Variants in FRAS1 observed in about 807,000 individuals in gnomAD.
The protein encoded by FRAS1 is extracellular matrix organizing protein FRAS1.
In FRAS1, 290 loss-of-function variants were observed where a neutral mutation model predicts 435.2. That is an observed-to-expected ratio of 0.67 (90% CI 0.61 to 0.73). The LOEUF (loss-of-function observed/expected upper bound fraction) is 0.73, where lower values mean the gene tolerates loss of function less well. FRAS1 is among the 30% of genes least tolerant of loss of function. The pLI, the probability that FRAS1 is intolerant of heterozygous loss-of-function variation, is 0.00. For synonymous variants in FRAS1, 1,800 were observed against 1,851.0 expected, an observed-to-expected ratio of 0.97 and a Z score of 0.71; for missense variants, 4,860 against 5,001.5, an observed-to-expected ratio of 0.97 and a Z score of 0.85.
chr4:78,508,832 C>T lies in FRAS1; in HGVS notation c.9606C>T (p.Cys3202=), dbSNP rs746900729. 4 of 1,613,726 alleles carry T rather than the reference C, an allele frequency of 2.5e-6. No homozygotes were observed. The South Asian group carries it at 3.3e-5, about 13-fold the overall frequency. Residue 3202 remains cysteine, a synonymous_variant, in exon 63 of 74, where the codon TGC becomes TGT. Transcript: ENST00000512123. ...ACCCACTGGTCTGTGTCACCCCCTG[C>T]GACCCTCATTTCCCCAGATACGCTG... is the stretch of plus-strand genomic sequence containing the variant. The part of the protein sequence containing the change: ...PGYPLVCVTP[C]DPHFPRYAVM...
intron 18 of FRAS1, among the ~76,000 whole-genome samples, chr4:78,325,452 C>G (rs956079486): frequency 2.0e-5 from 3 of 152,122 alleles, no homozygotes; most frequent in Non-Finnish European, 4.4e-5. Context: ...GAGTATGTTA[C>G]CGTTTATGAA....
At chr4:78,314,089 GT>G (rs150579350) in intron 15 of FRAS1, among the ~76,000 whole-genome samples, 2 of 151,366 alleles carry the variant, frequency 1.3e-5, no homozygotes, top group Non-Finnish European at 1.5e-5. Context: ...ACCTGTACTA[GT>G]TTTTTTTTCT....
intron 9 of FRAS1, among the ~76,000 whole-genome samples, chr4:78,275,125 C>G (rs886707217): frequency 6.6e-6 from 1 of 152,188 alleles, no homozygotes; most frequent in African/African-American, 2.4e-5. Context: ...TTATCAGAGA[C>G]TAGATTGCAA....
chr4:78,538,071 A>G (rs1359863999), intron 72 of FRAS1, among the ~76,000 whole-genome samples: 1 of 152,230 alleles, frequency 6.6e-6, no homozygotes, highest in Non-Finnish European at 1.5e-5. Context: ...TGGAATTCAG[A>G]AGCAGTTATG....
intron 2 of FRAS1, among the ~76,000 whole-genome samples, chr4:78,168,896 T>C (rs1365517866): frequency 6.6e-6 from 1 of 152,140 alleles, no homozygotes; most frequent in Non-Finnish European, 1.5e-5. Flanking sequence ...CTCAACCTTG[T>C]TGAATCGTAT....
At chr4:78,267,157 T>C in intron 8 of FRAS1, 84 bp from the exon 9 acceptor site, 1 of 1,354,832 alleles carries the variant, frequency 7.4e-7, no homozygotes. Context: ...AGAGCTTTGG[T>C]ATTTTGGGTC....
In FRAS1 at chr4:78,317,403, A is replaced by G. The variant is rs367758603; in HGVS notation, c.1855A>G (p.Thr619Ala). The change falls in exon 17 of 74, where the codon ACA becomes GCA. Residue 619 changes from threonine to alanine, a missense_variant. By Grantham distance (58) the Thr-to-Ala change is moderately conservative. Coordinates refer to ENST00000512123, the MANE Select transcript of FRAS1 (RefSeq NM_025074.7). ...HNSCASCSGP[T>A]PSHCTACSPP... ...CTCATGTGCCAGCTGCTCTGGGCCC[A>G]CACCCTCTCACTGTACAGCCTGCAG... 12 of 1,613,700 alleles carry G rather than the reference A, an allele frequency of 7.4e-6. No individual in the cohort carries two copies. Among genetic ancestry groups the G allele is most frequent in the African/African-American group, 1.3e-5 (1 of 74,898 alleles).
intron 44 of FRAS1, among the ~76,000 whole-genome samples, chr4:78,448,997 G>A (rs188621840): frequency 6.6e-6 from 1 of 152,228 alleles, no homozygotes; most frequent in Admixed American, 6.5e-5. Context: ...AAAATGTATG[G>A]TATAATAGTA....
At chr4:78,254,404 C>A (rs1560606049) in intron 5 of FRAS1, among the ~76,000 whole-genome samples, 1 of 152,116 alleles carries the variant, frequency 6.6e-6, no homozygotes, top group Non-Finnish European at 1.5e-5. Flanking sequence ...CTGGAGAATT[C>A]CAGGGATGAA....
chr4:78,495,655 G>T (rs1023648180), intron 59 of FRAS1, among the ~76,000 whole-genome samples: 1 of 152,092 alleles, frequency 6.6e-6, no homozygotes, highest in Non-Finnish European at 1.5e-5. Context: ...GCTTATCCAA[G>T]AAGTAGTTTT....
chr4:78,533,939 G>A (rs1479130092), intron 70 of FRAS1, among the ~76,000 whole-genome samples: 3 of 152,168 alleles, frequency 2.0e-5, no homozygotes, highest in Admixed American at 6.5e-5. Context: ...CCTTGGGAGC[G>A]CTTATCTGCC....
intron 2 of FRAS1, chr4:78,070,354 T>C (rs1164080160): frequency 6.6e-6 from 1 of 152,100 alleles, no homozygotes; most frequent in Non-Finnish European, 1.5e-5. Context: ...CCTGGGTGAT[T>C]AAGTCCCAAG....
Position 78,379,770 on chromosome 4 carries a change from C to T in FRAS1, c.3337C>T (p.Leu1113Phe). The part of the protein sequence containing the change: ...PSLHVNGSLI[L>F]PIGSIKPLDF... ...TCTTCATGTGAATGGTTCCCTGATC[C>T]TCCCAATTGGTTCAATAAAGCCACT... The change falls in exon 27 of 74, where the codon CTC (leucine) becomes TTC (phenylalanine). Residue 1113 changes from leucine to phenylalanine, a missense_variant. Transcript: ENST00000512123. The T allele has an allele frequency of 6.2e-7, 1 of 1,613,680 alleles. No individual in the cohort carries two copies. The highest frequency in any genetic ancestry group is 8.5e-7 in the Non-Finnish European group (1 of 1,179,802).
rs1560753038 is a variant in FRAS1 at position 78,483,799 on chromosome 4, A to ATATATATATATATATATATAGAT, written c.8752+1264_8752+1265insTATATATATATATATATATAGAT. Among the ~76,000 whole-genome samples, 2 of 67,464 alleles carry ATATATATATATATATATATAGAT rather than the reference A, an allele frequency of 3.0e-5. 1 individual carries two copies. Among genetic ancestry groups the ATATATATATATATATATATAGAT allele is most frequent in the Non-Finnish European group, 6.9e-5 (2 of 28,800 alleles). 44.3% of individuals were successfully genotyped at this position (67,464 alleles called of 152,430 possible). ...CTCTCTCTCTATATATATATATATA[A>ATATATATATATATATATATAGAT]AATTATGTATGTGTGATACACACAC... On this transcript the variant is annotated intron_variant, in intron 58 of 73. Transcript: ENST00000512123.
intron 2 of FRAS1, among the ~76,000 whole-genome samples, chr4:78,112,232 G>C (rs1287140482): frequency 6.6e-6 from 1 of 151,812 alleles, no homozygotes. Context: ...TTTACCATAA[G>C]GTATAGAAAA....
At chr4:78,094,542 C>A (rs766535738) in intron 2 of FRAS1, among the ~76,000 whole-genome samples, 1 of 151,894 alleles carries the variant, frequency 6.6e-6, no homozygotes, top group African/African-American at 2.4e-5. Context: ...ATAATAGAAT[C>A]TTAATAATAT....
chr4:78,104,112 T>C lies in FRAS1; in HGVS notation c.108+38096T>C, dbSNP rs948074818. On this transcript the variant is annotated intron_variant, in intron 2 of 73. Coordinates refer to ENST00000512123, the MANE Select transcript of FRAS1 (RefSeq NM_025074.7). ...GAAACTGTGACTGTTTTATTTAATA[T>C]TTTACTACAACTTCTTCCAGGAATG... Among the ~76,000 whole-genome samples, 8 of 152,206 alleles carry C rather than the reference T, an allele frequency of 5.3e-5. No homozygotes were observed. The South Asian group carries it at 1.0e-3, about 20-fold the overall frequency.
At chr4:78,293,711 T>C (rs1728011873) in intron 14 of FRAS1, among the ~76,000 whole-genome samples, 1 of 152,194 alleles carries the variant, frequency 6.6e-6, no homozygotes, top group Admixed American at 6.5e-5. Context: ...ATGAGGCAGG[T>C]GACAACAGTG....
chr4:78,291,401 A>T (rs1727891185), intron 14 of FRAS1, among the ~76,000 whole-genome samples: 2 of 152,032 alleles, frequency 1.3e-5, no homozygotes, highest in African/African-American at 2.4e-5. Context: ...TAGGGTTTGC[A>T]CTCACTCCTA....
Sources: gnomAD v4.1 joint callset for allele counts (sites outside exome capture counted in the v4.1 genomes callset) on GRCh38, gnomAD v4.1.1 for gene constraint, MANE v1.5 for transcripts, NCBI Gene and HGNC (gene_info 2026-07-23, HGNC 2026-07-21) for gene names.